Variants in PDE8B observed in about 807,000 individuals in gnomAD.
PDE8B encodes the protein high affinity cAMP-specific and IBMX-insensitive 3',5'-cyclic phosphodiesterase 8B.
In PDE8B, 26 loss-of-function variants were observed where a neutral mutation model predicts 101.3. The ratio of observed to expected loss-of-function variants is 0.26; its 90% CI spans 0.19 to 0.36. PDE8B has a LOEUF of 0.36. Among genes scored for constraint, PDE8B ranks in the 10% least tolerant of loss-of-function variants. The pLI is 1.00. For synonymous variants in PDE8B, 424 were observed against 429.3 expected, an observed-to-expected ratio of 0.99 and a Z score of 0.15; for missense variants, 810 against 1,163.1, an observed-to-expected ratio of 0.70 and a Z score of 4.42.
intron 17 of PDE8B, among the ~76,000 whole-genome samples, chr5:77,416,839 A>G (rs111760692): frequency 4.6e-4 from 70 of 152,254 alleles, no homozygotes; most frequent in African/African-American, 1.6e-3. Context: ...TTCTGGGAAT[A>G]CCAAAAATGA....
intron 1 of PDE8B, among the ~76,000 whole-genome samples, chr5:77,225,942 GAAAACAGTTTGATTTTTTTCCA>G (rs75959935): frequency 0.19 from 29,464 of 151,718 alleles, 2,964 homozygotes; most frequent in East Asian, 0.34. Context: ...TATGAACACT[GAAAACAGTTTGATTTTTTTCCA>G]GTGATTTTTG....
intron 14 of PDE8B, 104 bp downstream of exon 14, chr5:77,409,161 A>G: frequency 4.3e-6 from 4 of 925,176 alleles, no homozygotes; most frequent in South Asian, 2.7e-5. Flanking sequence ...TACCTGTTAT[A>G]TAGACTAACG....
upstream of PDE8B, among the ~76,000 whole-genome samples, chr5:77,208,903 C>T (rs1747733455): frequency 6.6e-6 from 1 of 152,174 alleles, no homozygotes; most frequent in East Asian, 1.9e-4. Context: ...AAGCATCATC[C>T]CACCTTCAGA....
intron 1 of PDE8B, among the ~76,000 whole-genome samples, chr5:77,256,060 A>T (rs1456102342): frequency 6.6e-6 from 1 of 152,128 alleles, no homozygotes; most frequent in African/African-American, 2.4e-5. Context: ...ATTCGAATTT[A>T]GGCAGTTGTC....
At chr5:77,230,055 A>G (rs1386283426) in intron 1 of PDE8B, among the ~76,000 whole-genome samples, 1 of 152,184 alleles carries the variant, frequency 6.6e-6, no homozygotes, top group Non-Finnish European at 1.5e-5. Flanking sequence ...TCCCGCCAGC[A>G]TGTATGAGGG....
the PDE8B span, among the ~76,000 whole-genome samples, chr5:77,135,399 A>G: frequency 6.6e-6 from 1 of 151,602 alleles, no homozygotes; most frequent in East Asian, 1.9e-4. Context: ...ATGACTTAGT[A>G]TGGTTTGAAT....
At chr5:77,313,288 T>A (rs1773086091) in intron 2 of PDE8B, among the ~76,000 whole-genome samples, 2 of 147,476 alleles carry the variant, frequency 1.4e-5, no homozygotes, top group African/African-American at 2.5e-5. Context: ...AATGCAAATC[T>A]AGGAAAGGAA....
intron 10 of PDE8B, among the ~76,000 whole-genome samples, chr5:77,396,074 G>C (rs1790996068): frequency 6.6e-6 from 1 of 152,218 alleles, no homozygotes; most frequent in African/African-American, 2.4e-5. Flanking sequence ...CCACTCTGCA[G>C]CATTTAAAAC....
At chr5:77,243,669 G>A (rs1168258416) in intron 1 of PDE8B, among the ~76,000 whole-genome samples, 1 of 152,126 alleles carries the variant, frequency 6.6e-6, no homozygotes, top group Non-Finnish European at 1.5e-5. Flanking sequence ...TGTAGCATGT[G>A]TGAGTAGTTG....
Position 77,423,632 on chromosome 5 carries a change from G to GTTTTTTTTTTTTTT in PDE8B, c.2418+1658_2418+1671dup, listed in dbSNP as rs71594634. 3.8e-3 allele frequency among the ~76,000 whole-genome samples: 283 copies of GTTTTTTTTTTTTTT among 74,014 alleles called. 52 individuals are homozygous for GTTTTTTTTTTTTTT. The highest frequency in any genetic ancestry group is 4.9e-3 in the Non-Finnish European group (189 of 38,394). The allele number at this position is 74,014 out of a possible 152,430, so 48.6% of individuals were successfully genotyped here. Reference sequence around the variant, plus strand: ...TGATGCTGGACTTTTGTTTTGTTTAGTTTTTTTTTTTTTTTTTTTTTTTTT... The same window carrying GTTTTTTTTTTTTTT: ...TGATGCTGGACTTTTGTTTTGTTTAGTTTTTTTTTTTTTTTTTTTTTTTTTTTTTTTTTTTTTTT... On this transcript the variant is annotated intron_variant, in intron 20 of 21. Transcript: ENST00000264917.
chr5:77,316,857 C>T (rs1288284888), intron 2 of PDE8B, among the ~76,000 whole-genome samples: 2 of 152,156 alleles, frequency 1.3e-5, no homozygotes, highest in African/African-American at 4.8e-5. Flanking sequence ...ATTGATTTCC[C>T]TCATGTGAGT....
At chr5:77,346,706 C>G (rs1445702168) in intron 7 of PDE8B, among the ~76,000 whole-genome samples, 1 of 152,206 alleles carries the variant, frequency 6.6e-6, no homozygotes, top group African/African-American at 2.4e-5. Flanking sequence ...TAAAGGGAAA[C>G]TTGGATTCTG....
the PDE8B span, among the ~76,000 whole-genome samples, chr5:77,178,890 G>A: frequency 6.6e-6 from 1 of 152,230 alleles, no homozygotes; most frequent in African/African-American, 2.4e-5. Context: ...CCTGCCGGGT[G>A]GGCCTCCCCA....
At chr5:77,148,227 T>G in the PDE8B span, 1 of 152,262 alleles carries the variant, frequency 6.6e-6, no homozygotes, top group East Asian at 1.9e-4. Flanking sequence ...CCCTGGCTGC[T>G]GTGTGGAGTA....
At chr5:77,295,908 C>T (rs964874136) in intron 1 of PDE8B, among the ~76,000 whole-genome samples, 3 of 152,186 alleles carry the variant, frequency 2.0e-5, no homozygotes, top group African/African-American at 7.2e-5. Flanking sequence ...CGAGAAACAA[C>T]CTCACTACAC....
At chr5:77,363,823 G>A (rs945308656) in intron 10 of PDE8B, among the ~76,000 whole-genome samples, 2 of 152,124 alleles carry the variant, frequency 1.3e-5, no homozygotes, top group Non-Finnish European at 2.9e-5. Context: ...TCCCCTCAAT[G>A]TGTAGAGTAG....
At chr5:77,135,710 C>T in the PDE8B span, among the ~76,000 whole-genome samples, 4 of 151,740 alleles carry the variant, frequency 2.6e-5, no homozygotes, top group Admixed American at 2.0e-4. Flanking sequence ...CTCCTGACCT[C>T]GTGATCCACC....
In PDE8B at chr5:77,428,239, A is replaced by G. The variant is rs1798485641; in HGVS notation, c.*1685A>G. 1 of 152,142 alleles carries G rather than the reference A, an allele frequency of 6.6e-6. No individual in the cohort carries two copies. The highest frequency in any genetic ancestry group is 1.9e-4 in the East Asian group (1 of 5,200). 9.4% of individuals were successfully genotyped at this position (152,142 alleles called of 1,614,324 possible). The stretch of plus-strand genomic sequence containing the variant: ...TTTTTATTTTACCTCTTTGGCCTAA[A>G]GTTTTCATAATTTCAAATTTGGGGT... On this transcript the variant is annotated 3_prime_UTR_variant, in exon 22 of 22. Coordinates refer to ENST00000264917, the MANE Select transcript of PDE8B (RefSeq NM_003719.5).
chr5:77,273,822 T>G (rs1033463487), intron 1 of PDE8B, among the ~76,000 whole-genome samples: 1 of 152,022 alleles, frequency 6.6e-6, no homozygotes, highest in Non-Finnish European at 1.5e-5. Context: ...ATTTATTTTT[T>G]ATTTTTTATT....
Sources: gnomAD v4.1 joint callset for allele counts (sites outside exome capture counted in the v4.1 genomes callset) on GRCh38, gnomAD v4.1.1 for gene constraint, MANE v1.5 for transcripts, NCBI Gene and HGNC (gene_info 2026-07-23, HGNC 2026-07-21) for gene names.